The following NRG3 variants were observed in gnomAD, a reference collection of about 807,000 sequenced individuals.
NRG3 encodes neuregulin 3.
NRG3 carries 31 observed loss-of-function variants against 66.9 expected under a neutral mutation model. The ratio of observed to expected loss-of-function variants is 0.46; its 90% CI spans 0.35 to 0.63. The LOEUF (loss-of-function observed/expected upper bound fraction) is 0.63, where lower values mean the gene tolerates loss of function less well. NRG3 is among the 20% of genes least tolerant of loss of function. NRG3 has a pLI of 0.00. For synonymous variants in NRG3, 393 were observed against 359.4 expected (o/e 1.09, Z -1.06); for missense variants, 910 against 878.9 (o/e 1.04, Z -0.45).
At chr10:82,579,615 G>T (rs2046236090) in intron 2 of NRG3, among the ~76,000 whole-genome samples, 1 of 151,922 alleles carries the variant, frequency 6.6e-6, no homozygotes, top group African/African-American at 2.4e-5. Context: ...TGTGCTCTGT[G>T]ACATATGGGT....
intron 1 of NRG3, among the ~76,000 whole-genome samples, chr10:82,356,112 G>C (rs904846417): frequency 1.3e-5 from 2 of 152,166 alleles, no homozygotes; most frequent in African/African-American, 4.8e-5. Flanking sequence ...CCTCTGTAAT[G>C]TGCTGATAGA....
At chr10:82,107,876 T>C (rs921663496) in intron 1 of NRG3, among the ~76,000 whole-genome samples, 4 of 152,196 alleles carry the variant, frequency 2.6e-5, no homozygotes, top group Non-Finnish European at 5.9e-5. Flanking sequence ...TCCCCTAAAC[T>C]GTGGAAATAT....
intron 6 of NRG3, among the ~76,000 whole-genome samples, chr10:82,961,345 A>G (rs990452881): frequency 5.3e-5 from 8 of 152,232 alleles, no homozygotes; most frequent in African/African-American, 1.9e-4. Flanking sequence ...AATTCAACAC[A>G]ATACCCATAA....
At chr10:81,975,838 C>A (rs890600609) in intron 1 of NRG3, among the ~76,000 whole-genome samples, 1 of 152,012 alleles carries the variant, frequency 6.6e-6, no homozygotes, top group African/African-American at 2.4e-5. Context: ...CAAGTGCTCC[C>A]AATATAATCA....
At chr10:82,747,632 T>G (rs2058699783) in intron 3 of NRG3, among the ~76,000 whole-genome samples, 1 of 152,038 alleles carries the variant, frequency 6.6e-6, no homozygotes, top group Non-Finnish European at 1.5e-5. Flanking sequence ...ATTTGTACCT[T>G]TATGAATTTT....
At chr10:82,854,979 T>G (rs1041901774) in intron 3 of NRG3, among the ~76,000 whole-genome samples, 14 of 152,154 alleles carry the variant, frequency 9.2e-5, no homozygotes, top group Non-Finnish European at 1.9e-4. Context: ...CCTTGATCCT[T>G]TGGGTAGCCT....
chr10:81,914,976 TTTAAG>T (rs1339743506), intron 1 of NRG3, among the ~76,000 whole-genome samples: 3 of 152,294 alleles, frequency 2.0e-5, no homozygotes, highest in African/African-American at 4.8e-5. Flanking sequence ...CTGCTATTTA[TTTAAG>T]TTATGATTCA....
intron 1 of NRG3, among the ~76,000 whole-genome samples, chr10:82,336,665 G>T (rs117655908): frequency 0.024 from 3,584 of 152,022 alleles, 62 homozygotes; most frequent in Non-Finnish European, 0.036. Context: ...TGGGATTACA[G>T]GTGCCCACCA....
intron 1 of NRG3, among the ~76,000 whole-genome samples, chr10:82,200,443 A>G (rs1204270022): frequency 1.3e-5 from 2 of 152,214 alleles, no homozygotes; most frequent in Admixed American, 6.5e-5. Context: ...TAATTAACAA[A>G]TGAAAGAAAG....
At chr10:82,184,561 T>C (rs1330041299) in intron 1 of NRG3, among the ~76,000 whole-genome samples, 1 of 152,186 alleles carries the variant, frequency 6.6e-6, no homozygotes, top group Non-Finnish European at 1.5e-5. Flanking sequence ...ATAATAATAC[T>C]TTCTATATGT....
chr10:82,616,597 C>T (rs550913372), intron 2 of NRG3, among the ~76,000 whole-genome samples: 12 of 152,278 alleles, frequency 7.9e-5, no homozygotes, highest in African/African-American at 1.4e-4. Flanking sequence ...TCACATCTTA[C>T]GTGATCATAT....
At chr10:82,370,179 C>A (rs1329060779) in intron 2 of NRG3, among the ~76,000 whole-genome samples, 1 of 138,924 alleles carries the variant, frequency 7.2e-6, no homozygotes, top group Non-Finnish European at 1.5e-5. Flanking sequence ...AAGCTCTTGC[C>A]CAGTGGCTCA....
At chr10:82,132,448 T>TATATATATGAG (rs2068896288) in intron 1 of NRG3, among the ~76,000 whole-genome samples, 1 of 106,194 alleles carries the variant, frequency 9.4e-6, no homozygotes, top group Non-Finnish European at 2.0e-5. Flanking sequence ...TAATATCTTT[T>TATATATATGAG]ATATATATAT....
intron 1 of NRG3, among the ~76,000 whole-genome samples, chr10:82,345,861 T>C (rs1248838371): frequency 1.3e-5 from 2 of 151,408 alleles, no homozygotes; most frequent in Non-Finnish European, 3.0e-5. Flanking sequence ...TTTGGCTCTC[T>C]GTTTATCTGT....
chr10:81,905,368 TC>T (rs1292670527), intron 1 of NRG3, among the ~76,000 whole-genome samples: 3 of 152,182 alleles, frequency 2.0e-5, no homozygotes, highest in African/African-American at 7.2e-5. Flanking sequence ...CTGCAAAGCC[TC>T]TGGCTACCTG....
At chr10:82,159,560 C>G (rs745672684) in intron 1 of NRG3, among the ~76,000 whole-genome samples, 3 of 151,856 alleles carry the variant, frequency 2.0e-5, no homozygotes, top group Non-Finnish European at 2.9e-5. Context: ...CCTGGGTTCA[C>G]TCCAGTCATA....
chr10:82,347,767 T>A (rs2083129312), intron 1 of NRG3, among the ~76,000 whole-genome samples: 1 of 152,204 alleles, frequency 6.6e-6, no homozygotes, highest in Admixed American at 6.5e-5. Context: ...TGGGTGCATA[T>A]ATATTTAGGA....
At chr10:81,960,393 C>T (rs1026880662) in intron 1 of NRG3, among the ~76,000 whole-genome samples, 2 of 152,020 alleles carry the variant, frequency 1.3e-5, no homozygotes, top group Non-Finnish European at 2.9e-5. Context: ...ACCTTTCAAC[C>T]TTCTCATTTG....
At chr10:82,188,898 C>G (rs1307915134) in intron 1 of NRG3, among the ~76,000 whole-genome samples, 1 of 151,888 alleles carries the variant, frequency 6.6e-6, no homozygotes, top group Non-Finnish European at 1.5e-5. Context: ...TCAATAATTA[C>G]TTTATTGCAA....
Sources: gnomAD v4.1 joint callset for allele counts (sites outside exome capture counted in the v4.1 genomes callset) on GRCh38, gnomAD v4.1.1 for gene constraint, MANE v1.5 for transcripts, NCBI Gene and HGNC (gene_info 2026-07-23, HGNC 2026-07-21) for gene names.